The following RASSF8 variants were observed in gnomAD, a reference collection of about 807,000 sequenced individuals.
RASSF8 encodes Ras association domain family member 8, also known as ras association domain-containing protein 8.
RASSF8 carries 22 observed loss-of-function variants against 48.5 expected under a neutral mutation model. The ratio of observed to expected loss-of-function variants is 0.45; its 90% CI spans 0.32 to 0.65. The LOEUF (loss-of-function observed/expected upper bound fraction) is 0.65. Among genes scored for constraint, RASSF8 ranks in the 30% least tolerant of loss-of-function variants. The pLI, the probability that RASSF8 is intolerant of heterozygous loss-of-function variation, is 0.03. For synonymous variants in RASSF8, 127 were observed against 171.5 expected (o/e 0.74, Z 2.03); for missense variants, 418 against 489.2 (o/e 0.85, Z 1.37).
intron 2 of RASSF8, among the ~76,000 whole-genome samples, chr12:26,035,965 T>TAATTTATATA (rs1943142600): frequency 1.4e-5 from 2 of 147,232 alleles, no homozygotes; most frequent in African/African-American, 4.9e-5. Flanking sequence ...TATATATTTA[T>TAATTTATATA]AATTTATATA....
rs185897282 is a variant in RASSF8, at chr12:25,977,866, A to G, written c.-202-17171A>G. Among the ~76,000 whole-genome samples, 3 of 152,316 alleles carry G rather than the reference A, an allele frequency of 2.0e-5. No individual in the cohort carries two copies. In the East Asian group the frequency reaches 5.8e-4, roughly 29 times the overall value. Reference sequence around the variant, plus strand: ...TGTGGAATTCCTAGTGACAGGTGGGATTGACACTGAGAGACACTTGGAAGG... The same window carrying G: ...TGTGGAATTCCTAGTGACAGGTGGGGTTGACACTGAGAGACACTTGGAAGG... On this transcript the variant is annotated intron_variant, in intron 1 of 5. Transcript: ENST00000689635.
intron 2 of RASSF8, among the ~76,000 whole-genome samples, chr12:26,014,309 G>A (rs1942596032): frequency 6.6e-6 from 1 of 152,196 alleles, no homozygotes; most frequent in Non-Finnish European, 1.5e-5. Context: ...ATCCTTTTAA[G>A]CATCACATTC....
chr12:26,019,553 C>T (rs947148449), intron 2 of RASSF8, among the ~76,000 whole-genome samples: 3 of 146,704 alleles, frequency 2.0e-5, no homozygotes, highest in Non-Finnish European at 4.5e-5. Context: ...TGTGGAAGTT[C>T]GGGCATACAC....
Position 26,052,336 on chromosome 12 carries a change from T to G in RASSF8, c.-108-2900T>G, listed in dbSNP as rs114986170. Among the ~76,000 whole-genome samples, 673 of 152,338 alleles carry G rather than the reference T, an allele frequency of 4.4e-3. 5 individuals carry two copies. Among genetic ancestry groups the G allele is most frequent in the African/African-American group, 0.016 (660 of 41,566 alleles). On this transcript the variant is annotated intron_variant, in intron 2 of 5. Coordinates refer to ENST00000689635, the MANE Select transcript of RASSF8 (RefSeq NM_001394098.1). ...AGGATATTATGACAATAAATGGTTC[T>G]TAGCTAAAGAATACTTGTTCCCTGG...
intron 1 of RASSF8, among the ~76,000 whole-genome samples, chr12:25,971,526 C>T (rs577951670): frequency 7.2e-5 from 11 of 152,104 alleles, no homozygotes; most frequent in African/African-American, 2.7e-4. Flanking sequence ...GCTTGTACTT[C>T]ATCCTTTGCC....
At chr12:25,964,085 C>A (rs570928413) in intron 1 of RASSF8, among the ~76,000 whole-genome samples, 10 of 152,248 alleles carry the variant, frequency 6.6e-5, no homozygotes, top group African/African-American at 2.2e-4. Flanking sequence ...GCAGGACATT[C>A]GCATCACGAG....
intron 2 of RASSF8, among the ~76,000 whole-genome samples, chr12:26,004,209 C>T (rs1337918226): frequency 6.6e-6 from 1 of 152,060 alleles, no homozygotes; most frequent in Non-Finnish European, 1.5e-5. Context: ...TGAGACTGGA[C>T]TATACACAGA....
intron 3 of RASSF8, among the ~76,000 whole-genome samples, chr12:26,060,982 C>T (rs960274883): frequency 6.6e-5 from 10 of 152,068 alleles, no homozygotes; most frequent in Non-Finnish European, 1.5e-4. Context: ...AAGAAAATAT[C>T]AAATGTCAGT....
chr12:25,971,815 G>T (rs533104979), intron 1 of RASSF8, among the ~76,000 whole-genome samples: 2 of 152,338 alleles, frequency 1.3e-5, no homozygotes, highest in African/African-American at 4.8e-5. Context: ...AACCACCCAG[G>T]AGAAGTTTTC....
chr12:26,047,367 A>G (rs1408106670), intron 2 of RASSF8, among the ~76,000 whole-genome samples: 3 of 152,212 alleles, frequency 2.0e-5, no homozygotes, highest in South Asian at 4.1e-4. Flanking sequence ...TCTTATATCA[A>G]TAATAACTCA....
rs59392234 is a variant in RASSF8, at chr12:25,975,446, A to G, written c.-203+16298A>G. ...CTTTGTCCTGAATTAAGATTTTGACATATTCAGATTTTAGATTAGAGAATG... is the reference window on the plus strand; with the variant it reads ...CTTTGTCCTGAATTAAGATTTTGACGTATTCAGATTTTAGATTAGAGAATG... On this transcript the variant is annotated intron_variant, in intron 1 of 5. Transcript: ENST00000689635. Among the ~76,000 whole-genome samples the G allele has an allele frequency of 3.2e-3, 487 of 152,342 alleles. 4 individuals carry two copies. The highest frequency in any genetic ancestry group is 0.011 in the African/African-American group (475 of 41,574).
Position 26,068,720 on chromosome 12 carries a change from C to T in RASSF8, c.1162C>T (p.Leu388=). The T allele has an allele frequency of 2.0e-6, 3 of 1,537,382 alleles. No individual in the cohort carries two copies. The highest frequency in any genetic ancestry group is 2.6e-6 in the Non-Finnish European group (3 of 1,146,902). Residue 388 remains leucine, a synonymous_variant, in exon 6 of 6, where the codon CTG becomes TTG. Transcript: ENST00000689635. The stretch of plus-strand genomic sequence containing the variant: ...AGAGGCACCATTCCAGTCTGGGTCC[C>T]TGAAGCGACCTGGTTCATCTCGGCA... ...EREAPFQSGS[L]KRPGSSRQLP... is the part of the protein sequence containing the mutation.
At chr12:26,018,446 A>G (rs949061390) in intron 2 of RASSF8, among the ~76,000 whole-genome samples, 1 of 152,204 alleles carries the variant, frequency 6.6e-6, no homozygotes, top group Non-Finnish European at 1.5e-5. Context: ...GATAAAATTT[A>G]TGTACTAAAA....
In RASSF8 at chr12:26,070,184, G is replaced by A. The variant is rs527792542; in HGVS notation, c.*1366G>A. 123 of 960,674 alleles carry A rather than the reference G, an allele frequency of 1.3e-4. No individual in the cohort carries two copies. The South Asian group carries it at 4.9e-3, about 38-fold the overall frequency. The allele number at this position is 960,674 out of a possible 1,614,324, so 59.5% of individuals were successfully genotyped here. A position where few individuals can be genotyped will look rare whatever the true frequency, so the allele number is the denominator to read the frequency against. ...TAATTCTGAAGAAGTTACATCCTCT[G>A]TATTATTTACATGCAACAAAATAAA... On this transcript the variant is annotated 3_prime_UTR_variant, in exon 6 of 6. Coordinates refer to ENST00000689635, the MANE Select transcript of RASSF8 (RefSeq NM_001394098.1).
At chr12:26,058,743 C>T (rs1943672313) in intron 3 of RASSF8, among the ~76,000 whole-genome samples, 1 of 152,142 alleles carries the variant, frequency 6.6e-6, no homozygotes, top group African/African-American at 2.4e-5. Context: ...ATTGAATTAG[C>T]AAAGAGCTAG....
intron 1 of RASSF8, among the ~76,000 whole-genome samples, chr12:25,987,635 C>T (rs1941918157): frequency 6.6e-6 from 1 of 152,134 alleles, no homozygotes; most frequent in Non-Finnish European, 1.5e-5. Flanking sequence ...AATTAACATA[C>T]ATTATGCAAC....
chr12:25,967,319 A>G (rs60389306), intron 1 of RASSF8, among the ~76,000 whole-genome samples: 5,867 of 152,236 alleles, frequency 0.039, 358 homozygotes, highest in African/African-American at 0.13. Flanking sequence ...TGTTATAATA[A>G]TAAAGTCTGG....
At chr12:26,036,647 C>T (rs2137135191) in intron 2 of RASSF8, among the ~76,000 whole-genome samples, 1 of 152,142 alleles carries the variant, frequency 6.6e-6, no homozygotes, top group Admixed American at 6.5e-5. Flanking sequence ...GTGGCTCACG[C>T]CTATAATCCC....
intron 1 of RASSF8, among the ~76,000 whole-genome samples, chr12:25,989,729 G>A (rs1448745923): frequency 6.6e-6 from 1 of 152,150 alleles, no homozygotes; most frequent in Non-Finnish European, 1.5e-5. Context: ...AGACTAACAA[G>A]GATGCATTTC....
Sources: allele counts gnomAD v4.1 joint callset (sites outside exome capture counted in the v4.1 genomes callset), GRCh38; gene constraint gnomAD v4.1.1; transcripts MANE v1.5; gene names NCBI Gene and HGNC (gene_info 2026-07-23, HGNC 2026-07-21).